The following KLRG1 variants were observed in gnomAD, a reference collection of about 807,000 sequenced individuals.
KLRG1 encodes killer cell lectin like receptor G1, also known as killer cell lectin-like receptor subfamily G member 1.
KLRG1 carries 16 observed loss-of-function variants against 21.8 expected under a neutral mutation model. That is an observed-to-expected ratio of 0.73 (90% CI 0.50 to 1.11). The LOEUF (loss-of-function observed/expected upper bound fraction) is 1.11. Among genes scored for constraint, KLRG1 ranks in the 50% most tolerant of loss-of-function variants. The probability of loss-of-function intolerance (pLI) is 0.00; values close to 1 mark genes in which losing one functional copy is unlikely to be tolerated. For missense variants in KLRG1, 173 were observed against 218.3 expected (o/e 0.79, Z 1.31); for synonymous variants, 69 against 75.9 (o/e 0.91, Z 0.47).
the KLRG1 span, among the ~76,000 whole-genome samples, chr12:9,079,069 T>C: frequency 6.6e-5 from 10 of 152,048 alleles, no homozygotes; most frequent in African/African-American, 2.2e-4. Flanking sequence ...ATAACATGTA[T>C]TTGGATATCA....
the KLRG1 span, among the ~76,000 whole-genome samples, chr12:9,145,207 TGTTA>T: frequency 1.3e-5 from 2 of 152,358 alleles, no homozygotes; most frequent in East Asian, 3.9e-4. Flanking sequence ...ATTTTTGCCA[TGTTA>T]GTTGTTTTAT....
chr12:9,120,536 T>G, the KLRG1 span, among the ~76,000 whole-genome samples: 7 of 152,330 alleles, frequency 4.6e-5, no homozygotes, highest in Middle Eastern at 3.4e-3. Context: ...GCTATAGTGC[T>G]TCCCAGGAAC....
the KLRG1 span, among the ~76,000 whole-genome samples, chr12:9,049,771 G>T: frequency 6.6e-6 from 1 of 152,176 alleles, no homozygotes; most frequent in African/African-American, 2.4e-5. Flanking sequence ...GCATCTTGGA[G>T]CTTCTGCTAA....
At chr12:9,014,245 C>G (rs2159960), downstream of KLRG1, among the ~76,000 whole-genome samples, 38 of 152,012 alleles carry the variant, frequency 2.5e-4, no homozygotes, top group African/African-American at 8.4e-4. Context: ...AAGAATATCA[C>G]TATTCAAGCA....
rs1461209308 is a variant in KLRG1 at position 8,962,829 on chromosome 12, A to G, written c.-156+12593A>G. Among the ~76,000 whole-genome samples, 4 of 152,286 alleles carry G rather than the reference A, an allele frequency of 2.6e-5. No individual in the cohort carries two copies. The East Asian group carries it at 7.7e-4, about 29-fold the overall frequency. ...CCCTGAAAAGATCAGAGCTTCAGTGACCTGTGGTACTACGTCAGTCAATCT... is the reference window on the plus strand; with the variant it reads ...CCCTGAAAAGATCAGAGCTTCAGTGGCCTGTGGTACTACGTCAGTCAATCT... On this transcript the variant is annotated intron_variant, in intron 1 of 4. Coordinates refer to the KLRG1 transcript ENST00000539240.
the KLRG1 span, among the ~76,000 whole-genome samples, chr12:9,212,490 CT>C: frequency 5.3e-5 from 8 of 152,082 alleles, no homozygotes; most frequent in Non-Finnish European, 7.4e-5. Flanking sequence ...TAGTTATTTT[CT>C]TTCATTAAAT....
At chr12:8,997,609 A>G (rs927333130) in intron 3 of KLRG1, among the ~76,000 whole-genome samples, 2 of 152,150 alleles carry the variant, frequency 1.3e-5, no homozygotes, top group Non-Finnish European at 2.9e-5. Flanking sequence ...CTATATGTAG[A>G]ATCTACAGGC....
chr12:8,991,580 A>G (rs1017444740), intron 1 of KLRG1, among the ~76,000 whole-genome samples: 2 of 152,152 alleles, frequency 1.3e-5, no homozygotes, highest in African/African-American at 4.8e-5. Flanking sequence ...GTGTGCTTGC[A>G]GAGATATTTG....
At chr12:9,078,934 A>G in the KLRG1 span, among the ~76,000 whole-genome samples, 12 of 152,216 alleles carry the variant, frequency 7.9e-5, no homozygotes, top group African/African-American at 2.9e-4. Context: ...TGGAAGTTAT[A>G]TATGTTCACT....
At chr12:9,013,619 A>T (rs921311458), downstream of KLRG1, among the ~76,000 whole-genome samples, 16 of 152,170 alleles carry the variant, frequency 1.1e-4, no homozygotes, top group African/African-American at 3.9e-4. Context: ...GGCACATCTC[A>T]CGTGGCAGCA....
chr12:9,004,201 T>C (rs774810765), intron 3 of KLRG1, among the ~76,000 whole-genome samples: 1 of 152,314 alleles, frequency 6.6e-6, no homozygotes, highest in South Asian at 2.1e-4. Flanking sequence ...TGATTTATAG[T>C]CCTTTGGGAA....
At chr12:9,027,037 CAAAT>C in the KLRG1 span, among the ~76,000 whole-genome samples, 1 of 150,590 alleles carries the variant, frequency 6.6e-6, no homozygotes, top group Admixed American at 6.6e-5. Flanking sequence ...TTTTAATTGA[CAAAT>C]AAAAATTGTA....
chr12:8,999,025 TG>T (rs1287098907), intron 3 of KLRG1, among the ~76,000 whole-genome samples: 12 of 151,966 alleles, frequency 7.9e-5, no homozygotes, highest in Admixed American at 7.2e-4. Context: ...AATAGTGAGA[TG>T]CTTTCTTATT....
the KLRG1 span, among the ~76,000 whole-genome samples, chr12:9,131,152 T>C: frequency 0.023 from 3,479 of 152,286 alleles, 136 homozygotes; most frequent in African/African-American, 0.078. Context: ...TTGTCTGTCT[T>C]TATGCCAGTG....
At chr12:9,178,670 G>A in the KLRG1 span, among the ~76,000 whole-genome samples, 7 of 152,316 alleles carry the variant, frequency 4.6e-5, no homozygotes, top group Middle Eastern at 3.4e-3. Flanking sequence ...GCTACAGCAC[G>A]CGATAAGTGC....
chr12:9,170,891 T>C, the KLRG1 span, among the ~76,000 whole-genome samples: 1 of 152,200 alleles, frequency 6.6e-6, no homozygotes, highest in Admixed American at 6.5e-5. The surrounding 1 kb of genome is among the most constrained non-coding windows in gnomAD (Gnocchi z 4.6). Context: ...CTGCCATCTC[T>C]GCAGTTTGGT....
At chr12:9,014,626 G>A (rs996673150), downstream of KLRG1, among the ~76,000 whole-genome samples, 3 of 152,020 alleles carry the variant, frequency 2.0e-5, no homozygotes, top group African/African-American at 7.2e-5. Context: ...TCTTCAATCT[G>A]AAAGAAAAGA....
chr12:8,993,534 C>T (rs191369040), intron 2 of KLRG1, among the ~76,000 whole-genome samples: 75 of 152,120 alleles, frequency 4.9e-4, no homozygotes, highest in African/African-American at 1.7e-3. Context: ...GTGATCTGCC[C>T]GCCTTGGCCT....
intron 3 of KLRG1, among the ~76,000 whole-genome samples, chr12:8,998,680 C>A (rs1281359268): frequency 7.3e-5 from 9 of 122,478 alleles, no homozygotes; most frequent in Non-Finnish European, 1.2e-4. Context: ...CAGAGCGAGA[C>A]TCTGTCTCAA....
Sources: allele counts gnomAD v4.1 joint callset (sites outside exome capture counted in the v4.1 genomes callset), GRCh38; gene constraint gnomAD v4.1.1; non-coding constraint Gnocchi (gnomAD v3.1); transcripts MANE v1.5; gene names NCBI Gene and HGNC (gene_info 2026-07-23, HGNC 2026-07-21).